HOMER2: variants seen among roughly 807,000 people sequenced by gnomAD.
HOMER2 encodes homer scaffold protein 2.
A neutral mutation model predicts 47.0 loss-of-function variants in HOMER2; 27 were observed. The ratio of observed to expected loss-of-function variants is 0.57; its 90% CI spans 0.42 to 0.79. The LOEUF is 0.79. HOMER2 is among the 30% of genes least tolerant of loss of function. HOMER2 has a pLI of 0.00. For synonymous variants in HOMER2, 161 were observed against 163.8 expected (o/e 0.98, Z 0.13); for missense variants, 443 against 435.0 (o/e 1.02, Z -0.16).
chr15:82,938,934 C>T (rs1484939692), intron 1 of HOMER2, among the ~76,000 whole-genome samples: 1 of 152,188 alleles, frequency 6.6e-6, no homozygotes, highest in Non-Finnish European at 1.5e-5. Flanking sequence ...CTCATCACCT[C>T]TCAGGCTCAT....
chr15:82,907,665 A>G (rs1009604965), intron 1 of HOMER2, among the ~76,000 whole-genome samples: 1 of 152,224 alleles, frequency 6.6e-6, no homozygotes, highest in African/African-American at 2.4e-5. Context: ...TGATCCAAGA[A>G]GAGTAGATTG....
At chr15:82,897,594 G>A (rs1034262711) in intron 1 of HOMER2, among the ~76,000 whole-genome samples, 1 of 152,146 alleles carries the variant, frequency 6.6e-6, no homozygotes, top group Non-Finnish European at 1.5e-5. Flanking sequence ...TGTCATTTGT[G>A]TAATTAAGTC....
chr15:82,925,551 A>G (rs545999807), intron 1 of HOMER2, among the ~76,000 whole-genome samples: 57 of 152,224 alleles, frequency 3.7e-4, no homozygotes, highest in Middle Eastern at 3.4e-3. Flanking sequence ...CTTTCTCTCA[A>G]GCTCCTTGTC....
chr15:82,975,145 G>C (rs749147357), intron 1 of HOMER2, among the ~76,000 whole-genome samples: 6 of 152,176 alleles, frequency 3.9e-5, no homozygotes, highest in Non-Finnish European at 8.8e-5. Context: ...GAGAAATGCA[G>C]ATCAGAACTA....
At chr15:82,971,611 T>C (rs2029991997) in intron 1 of HOMER2, among the ~76,000 whole-genome samples, 1 of 152,110 alleles carries the variant, frequency 6.6e-6, no homozygotes, top group East Asian at 1.9e-4. Context: ...AACCTTACAG[T>C]GGAGAATTTA....
chr15:82,946,853 G>A (rs2054394593), intron 1 of HOMER2, among the ~76,000 whole-genome samples: 1 of 152,108 alleles, frequency 6.6e-6, no homozygotes, highest in Admixed American at 6.6e-5. Flanking sequence ...GTAACCATCA[G>A]TGTACCACAG....
At chr15:82,974,307 G>C (rs1218017664) in intron 1 of HOMER2, among the ~76,000 whole-genome samples, 1 of 152,002 alleles carries the variant, frequency 6.6e-6, no homozygotes, top group Admixed American at 6.6e-5. Context: ...GGGAGGCTGA[G>C]GCAGGAGAAC....
At chr15:82,944,020 C>T (rs2054318708) in intron 1 of HOMER2, among the ~76,000 whole-genome samples, 1 of 152,238 alleles carries the variant, frequency 6.6e-6, no homozygotes, top group Non-Finnish European at 1.5e-5. Flanking sequence ...AATAATAAGA[C>T]TATCAACCAG....
At position 82,882,909 on chromosome 15, in the gene HOMER2, T is replaced by C. The variant is rs1445540020; in HGVS notation, c.163-7505A>G. Among the ~76,000 whole-genome samples the C allele has an allele frequency of 7.5e-5, 2 of 26,822 alleles. 1 individual carries two copies. Among genetic ancestry groups the C allele is most frequent in the African/African-American group, 3.5e-4 (2 of 5,730 alleles). The allele number at this position is 26,822 out of a possible 152,430, so 17.6% of individuals were successfully genotyped here. A position where few individuals can be genotyped will look rare whatever the true frequency, so the allele number is the denominator to read the frequency against. On this transcript the variant is annotated intron_variant, in intron 2 of 8. Coordinates refer to ENST00000450735, the MANE Select transcript of HOMER2 (RefSeq NM_004839.4). ...TTTTTTTTTTTTTTTTTTTTTTTAT[T>C]ATACTCTAAGTTTTAGGGTACATGT...
At chr15:82,874,274 T>C (rs564523546) in intron 3 of HOMER2, among the ~76,000 whole-genome samples, 3 of 152,340 alleles carry the variant, frequency 2.0e-5, no homozygotes, top group Admixed American at 6.5e-5. Context: ...GCTCTGGCCC[T>C]TCCCTGGGTT....
chr15:82,923,543 C>T (rs950640248), intron 1 of HOMER2, among the ~76,000 whole-genome samples: 1 of 151,846 alleles, frequency 6.6e-6, no homozygotes, highest in Admixed American at 6.6e-5. Context: ...TGAGTGAACC[C>T]CAGTCTCAGA....
chr15:82,889,326 G>A (rs923130939), intron 2 of HOMER2, among the ~76,000 whole-genome samples: 5 of 152,228 alleles, frequency 3.3e-5, no homozygotes, highest in African/African-American at 1.2e-4. Flanking sequence ...TCTGCCTGAG[G>A]CTCCACGGCA....
downstream of HOMER2, chr15:82,847,305 A>G (rs1199645357): frequency 6.6e-6 from 1 of 152,284 alleles, no homozygotes; most frequent in Non-Finnish European, 1.5e-5. Flanking sequence ...AAGCAGAAGG[A>G]ATGGAAAGTT....
intron 2 of HOMER2, among the ~76,000 whole-genome samples, chr15:82,878,481 T>C (rs1198661432): frequency 6.6e-6 from 1 of 152,242 alleles, no homozygotes; most frequent in East Asian, 1.9e-4. Context: ...GAGCTAAGTC[T>C]ATTTACGATG....
chr15:82,951,679 C>G (rs969203440), intron 1 of HOMER2, among the ~76,000 whole-genome samples: 4 of 152,228 alleles, frequency 2.6e-5, no homozygotes, highest in Non-Finnish European at 5.9e-5. Flanking sequence ...CAAGGCCACC[C>G]CTGCTACACA....
intron 1 of HOMER2, among the ~76,000 whole-genome samples, chr15:82,982,242 C>T (rs1385015375): frequency 6.6e-6 from 1 of 152,044 alleles, no homozygotes; most frequent in Non-Finnish European, 1.5e-5. Flanking sequence ...TAGGTAAGAG[C>T]CACATTTTGC....
chr15:82,951,454 AGGGCACC>A (rs1298001051), intron 1 of HOMER2, among the ~76,000 whole-genome samples: 1 of 152,238 alleles, frequency 6.6e-6, no homozygotes, highest in Non-Finnish European at 1.5e-5. Context: ...GGGCTGAGCC[AGGGCACC>A]AGGACAATCT....
At chr15:82,879,217 G>A (rs183743443) in intron 2 of HOMER2, among the ~76,000 whole-genome samples, 332 of 151,972 alleles carry the variant, frequency 2.2e-3, no homozygotes, top group Admixed American at 6.0e-3. Flanking sequence ...TATATTAATC[G>A]TAGTTTGCAG....
At chr15:82,872,649 T>G (rs2052215152) in intron 3 of HOMER2, among the ~76,000 whole-genome samples, 1 of 152,174 alleles carries the variant, frequency 6.6e-6, no homozygotes, top group African/African-American at 2.4e-5. Context: ...CCATCAACAG[T>G]GAACTCTCCA....
Sources: allele counts gnomAD v4.1 joint callset (sites outside exome capture counted in the v4.1 genomes callset), GRCh38; gene constraint gnomAD v4.1.1; transcripts MANE v1.5; gene names NCBI Gene and HGNC (gene_info 2026-07-23, HGNC 2026-07-21).